The following CDH13 variants were observed in gnomAD, a reference collection of about 807,000 sequenced individuals.
The protein encoded by CDH13 is cadherin 13.
CDH13 carries 24 observed loss-of-function variants against 63.8 expected under a neutral mutation model. That is an observed-to-expected ratio of 0.38 (90% CI 0.27 to 0.53). The LOEUF (loss-of-function observed/expected upper bound fraction) is 0.53, where lower values mean the gene tolerates loss of function less well. CDH13 is among the 20% of genes least tolerant of loss of function. The pLI is 0.85. For synonymous variants in CDH13, 503 were observed against 355.3 expected, an observed-to-expected ratio of 1.42 and a Z score of -4.67; for missense variants, 1,049 against 903.1, an observed-to-expected ratio of 1.16 and a Z score of -2.07.
intron 2 of CDH13, among the ~76,000 whole-genome samples, chr16:83,002,108 C>A (rs1309665631): frequency 3.3e-5 from 5 of 152,134 alleles, no homozygotes; most frequent in African/African-American, 4.8e-5. Flanking sequence ...AATGTCGGCC[C>A]CAAAAAGATA....
At chr16:83,759,561 T>C (rs149810585) in intron 11 of CDH13, among the ~76,000 whole-genome samples, 1,822 of 151,898 alleles carry the variant, frequency 0.012, 38 homozygotes, top group African/African-American at 0.042. Context: ...AATTAAGAGC[T>C]TTGATTCTTC....
intron 2 of CDH13, among the ~76,000 whole-genome samples, chr16:82,898,506 C>A (rs1463627581): frequency 6.6e-6 from 1 of 152,214 alleles, no homozygotes; most frequent in Non-Finnish European, 1.5e-5. Context: ...GCTTGGGAGA[C>A]AGATTGAGAC....
chr16:83,293,866 T>C (rs1314163228), intron 5 of CDH13, among the ~76,000 whole-genome samples: 2 of 152,190 alleles, frequency 1.3e-5, no homozygotes, highest in Non-Finnish European at 2.9e-5. Flanking sequence ...CCATAATCTC[T>C]AAGGGCTTCA....
intron 8 of CDH13, among the ~76,000 whole-genome samples, chr16:83,603,836 G>C (rs1908078991): frequency 6.6e-6 from 1 of 152,166 alleles, no homozygotes; most frequent in South Asian, 2.1e-4. Flanking sequence ...AAGCTGTACA[G>C]GGATCCTGGC....
Position 82,809,780 on chromosome 16 carries a change from G to A in CDH13, c.46-48582G>A, listed in dbSNP as rs557146327. 4.6e-5 allele frequency among the ~76,000 whole-genome samples: 7 copies of A among 152,034 alleles called. No individual in the cohort carries two copies. In the East Asian group the frequency reaches 5.8e-4, roughly 13 times the overall value. ...ATTTTCAAGACCCGTTTTCTGAGCC[G>A]TTTCGCTAACAAGTCCCCTGATTTA... On this transcript the variant is annotated intron_variant, in intron 1 of 13. Transcript: ENST00000567109.
intron 4 of CDH13, among the ~76,000 whole-genome samples, chr16:83,134,257 A>G (rs1446153897): frequency 6.6e-6 from 1 of 152,134 alleles, no homozygotes; most frequent in African/African-American, 2.4e-5. Context: ...CAGTGGCACA[A>G]TCTTGGCTCA....
intron 1 of CDH13, among the ~76,000 whole-genome samples, chr16:82,857,996 G>A (rs1597817949): frequency 6.6e-6 from 1 of 152,248 alleles, no homozygotes; most frequent in South Asian, 2.1e-4. Flanking sequence ...AGATGACAAT[G>A]CTTCTTTGCT....
intron 4 of CDH13, among the ~76,000 whole-genome samples, chr16:83,172,748 C>G (rs1317850990): frequency 6.6e-6 from 1 of 151,840 alleles, no homozygotes; most frequent in African/African-American, 2.4e-5. Flanking sequence ...TCATAACAGC[C>G]CTAACAAACA....
chr16:83,089,044 C>A lies in CDH13; in HGVS notation c.367-36341C>A, dbSNP rs140412737. 1.1e-3 allele frequency among the ~76,000 whole-genome samples: 171 copies of A among 152,274 alleles called. 1 individual carries two copies. Among genetic ancestry groups the A allele is most frequent in the African/African-American group, 4.1e-3 (169 of 41,566 alleles). ...TGCCTAAAATATTTACTACCTGGTT[C>A]TTTATAGACAAAATTTACAGACTCC... is the stretch of plus-strand genomic sequence containing the variant. On this transcript the variant is annotated intron_variant, in intron 3 of 13. Coordinates refer to ENST00000567109, the MANE Select transcript of CDH13 (RefSeq NM_001257.5).
intron 2 of CDH13, among the ~76,000 whole-genome samples, chr16:82,949,654 T>C (rs1224804116): frequency 6.6e-6 from 1 of 152,194 alleles, no homozygotes; most frequent in Non-Finnish European, 1.5e-5. Context: ...TTTCTGCCAT[T>C]TGTGCTAGCA....
chr16:83,756,305 G>C (rs931384856), intron 11 of CDH13, among the ~76,000 whole-genome samples: 3 of 152,164 alleles, frequency 2.0e-5, no homozygotes. Context: ...AATATTATCA[G>C]ACTATTTTTA....
intron 6 of CDH13, among the ~76,000 whole-genome samples, chr16:83,452,718 T>G (rs182611878): frequency 2.3e-4 from 35 of 152,288 alleles, no homozygotes; most frequent in Non-Finnish European, 4.9e-4. Flanking sequence ...AGATGTACAA[T>G]GCAGTGTGAT....
chr16:83,217,726 C>T (rs2039583666), intron 5 of CDH13, among the ~76,000 whole-genome samples: 1 of 152,072 alleles, frequency 6.6e-6, no homozygotes, highest in Non-Finnish European at 1.5e-5. Context: ...ACTTTGGGTA[C>T]CAGAGACCAA....
intron 2 of CDH13, among the ~76,000 whole-genome samples, chr16:82,904,215 A>G (rs2041565016): frequency 6.6e-6 from 1 of 152,174 alleles, no homozygotes; most frequent in East Asian, 1.9e-4. Context: ...TTTTGTAATA[A>G]ATACAAACTT....
intron 2 of CDH13, among the ~76,000 whole-genome samples, chr16:82,933,381 G>T (rs552425275): frequency 6.6e-6 from 1 of 152,078 alleles, no homozygotes; most frequent in Non-Finnish European, 1.5e-5. Flanking sequence ...ACAGCATGGG[G>T]AGACTGCCCT....
intron 10 of CDH13, among the ~76,000 whole-genome samples, chr16:83,738,655 C>T (rs1166251418): frequency 6.6e-6 from 1 of 152,146 alleles, no homozygotes; most frequent in Non-Finnish European, 1.5e-5. Flanking sequence ...AGCCTGTAAT[C>T]CCAGCACTTT....
chr16:82,654,534 G>A (rs1013155735), intron 1 of CDH13, among the ~76,000 whole-genome samples: 2 of 152,112 alleles, frequency 1.3e-5, no homozygotes, highest in African/African-American at 4.8e-5. Context: ...CCTAATAATG[G>A]CTTCCTTCTG....
At chr16:83,395,103 G>C (rs555684638) in intron 6 of CDH13, among the ~76,000 whole-genome samples, 1 of 146,606 alleles carries the variant, frequency 6.8e-6, no homozygotes, top group Non-Finnish European at 1.5e-5. Context: ...AGCCAAGATC[G>C]TGCCATTGCA....
At chr16:83,112,911 C>T (rs111860186) in intron 3 of CDH13, among the ~76,000 whole-genome samples, 3,863 of 152,104 alleles carry the variant, frequency 0.025, 155 homozygotes, top group African/African-American at 0.087. Flanking sequence ...ACTTTAAGAC[C>T]GGCTTATAAA....
Sources: gnomAD v4.1 joint callset for allele counts (sites outside exome capture counted in the v4.1 genomes callset) on GRCh38, gnomAD v4.1.1 for gene constraint, MANE v1.5 for transcripts, NCBI Gene and HGNC (gene_info 2026-07-23, HGNC 2026-07-21) for gene names.